The following DLGAP1 variants were observed in gnomAD, a reference collection of about 807,000 sequenced individuals.
DLGAP1 encodes disks large-associated protein 1.
A neutral mutation model predicts 90.8 loss-of-function variants in DLGAP1; 11 were observed. The observed-to-expected ratio is 0.12, with a 90% CI of 0.08 to 0.20. The LOEUF is 0.20. DLGAP1 is among the 10% of genes least tolerant of loss of function. The pLI, the probability that DLGAP1 is intolerant of heterozygous loss-of-function variation, is 1.00. For synonymous variants in DLGAP1, 558 were observed against 540.7 expected, an observed-to-expected ratio of 1.03 and a Z score of -0.44; for missense variants, 1,050 against 1,333.8, an observed-to-expected ratio of 0.79 and a Z score of 3.31.
chr18:3,583,203 T>C (rs1200964862), intron 7 of DLGAP1, among the ~76,000 whole-genome samples: 17 of 148,810 alleles, frequency 1.1e-4, no homozygotes, highest in African/African-American at 2.3e-4. Flanking sequence ...CCTTCCTTCC[T>C]TCCTTCCTTC....
chr18:3,984,828 A>C (rs9303935), intron 3 of DLGAP1, among the ~76,000 whole-genome samples: 91,926 of 151,746 alleles, frequency 0.61, 29,676 homozygotes, highest in African/African-American at 0.84. Flanking sequence ...TTGGGTCTTT[A>C]TTTTGCCCAC....
intron 4 of DLGAP1, among the ~76,000 whole-genome samples, chr18:3,852,121 T>C (rs1217961904): frequency 2.6e-5 from 4 of 152,178 alleles, no homozygotes. Flanking sequence ...TGGAATAGAA[T>C]AATTACTTTA....
At chr18:3,621,523 C>A (rs548521472) in intron 7 of DLGAP1, among the ~76,000 whole-genome samples, 6 of 152,218 alleles carry the variant, frequency 3.9e-5, no homozygotes, top group Non-Finnish European at 7.3e-5. Context: ...TTGTGCCAAT[C>A]AGAGAGTTTT....
chr18:4,357,792 C>G (rs1205510939), intron 1 of DLGAP1, among the ~76,000 whole-genome samples: 1 of 152,184 alleles, frequency 6.6e-6, no homozygotes, highest in African/African-American at 2.4e-5. Context: ...CAAACAGGCC[C>G]CTTTGGAGGG....
chr18:3,836,100 C>A (rs999922950), intron 4 of DLGAP1, among the ~76,000 whole-genome samples: 5 of 152,130 alleles, frequency 3.3e-5, no homozygotes, highest in African/African-American at 1.2e-4. Context: ...ATAAGTTAAG[C>A]TGAAAATATA....
At chr18:3,651,195 C>A (rs766852797) in intron 7 of DLGAP1, among the ~76,000 whole-genome samples, 1 of 151,704 alleles carries the variant, frequency 6.6e-6, no homozygotes, top group African/African-American at 2.4e-5. Flanking sequence ...CCCCTCTCTA[C>A]TAAAAATACA....
At chr18:3,601,619 A>G (rs1397573964) in intron 7 of DLGAP1, among the ~76,000 whole-genome samples, 2 of 151,796 alleles carry the variant, frequency 1.3e-5, no homozygotes, top group East Asian at 3.9e-4. Flanking sequence ...GAGGTGGGCC[A>G]ATCGTTTGAG....
At chr18:3,639,666 A>T (rs1279495052) in intron 7 of DLGAP1, among the ~76,000 whole-genome samples, 2 of 152,000 alleles carry the variant, frequency 1.3e-5, no homozygotes, top group Non-Finnish European at 1.5e-5. Flanking sequence ...AGCCTCTGAA[A>T]TCTCTGATGC....
At chr18:4,076,765 A>G (rs1295993822) in intron 2 of DLGAP1, among the ~76,000 whole-genome samples, 2 of 152,072 alleles carry the variant, frequency 1.3e-5, no homozygotes, top group Non-Finnish European at 2.9e-5. Flanking sequence ...CTGGGATTAC[A>G]GGTGCATACC....
chr18:4,438,648 T>A (rs183699539), intron 1 of DLGAP1, among the ~76,000 whole-genome samples: 1 of 152,138 alleles, frequency 6.6e-6, no homozygotes, highest in Admixed American at 6.5e-5. Context: ...TATCTTCAGC[T>A]TCATTTGTTA....
chr18:4,269,820 G>A (rs2079233609), intron 1 of DLGAP1, among the ~76,000 whole-genome samples: 1 of 152,146 alleles, frequency 6.6e-6, no homozygotes. Context: ...TCTAGAAAAT[G>A]CTAGGGCTGA....
chr18:4,361,962 G>A (rs2081639771), intron 1 of DLGAP1, among the ~76,000 whole-genome samples: 1 of 152,086 alleles, frequency 6.6e-6, no homozygotes, highest in African/African-American at 2.4e-5. Flanking sequence ...TATACGCATG[G>A]CCAAAAGGCA....
At chr18:3,574,407 G>C (rs1044126711) in intron 8 of DLGAP1, among the ~76,000 whole-genome samples, 2 of 152,126 alleles carry the variant, frequency 1.3e-5, no homozygotes, top group African/African-American at 4.8e-5. Context: ...TGATTTATAG[G>C]ATTCCTGCTG....
intron 1 of DLGAP1, among the ~76,000 whole-genome samples, chr18:4,361,872 C>T (rs1318287952): frequency 1.3e-5 from 2 of 151,998 alleles, no homozygotes; most frequent in African/African-American, 2.4e-5. Context: ...TAGAGAACTC[C>T]TAAAATTCAA....
At chr18:4,257,926 A>G (rs2078922820) in intron 1 of DLGAP1, among the ~76,000 whole-genome samples, 1 of 150,438 alleles carries the variant, frequency 6.6e-6, no homozygotes, top group African/African-American at 2.5e-5. Flanking sequence ...CGCCCGGCCC[A>G]GTTCATTTTC....
chr18:4,146,547 T>C (rs2144359089), intron 2 of DLGAP1, among the ~76,000 whole-genome samples: 1 of 152,266 alleles, frequency 6.6e-6, no homozygotes, highest in East Asian at 1.9e-4. Context: ...AAACCCTTCT[T>C]TTTATAATGG....
intron 5 of DLGAP1, among the ~76,000 whole-genome samples, chr18:3,747,117 G>A (rs1321210522): frequency 6.6e-6 from 1 of 152,134 alleles, no homozygotes; most frequent in African/African-American, 2.4e-5. Flanking sequence ...TAGCACTTTG[G>A]GAGGTCTACG....
At chr18:4,238,658 A>G (rs2078467997) in intron 1 of DLGAP1, among the ~76,000 whole-genome samples, 1 of 152,180 alleles carries the variant, frequency 6.6e-6, no homozygotes, top group Admixed American at 6.5e-5. Context: ...ATACAAGATA[A>G]TGAGGGATTA....
At chr18:4,127,388 T>C (rs1243015455) in intron 2 of DLGAP1, among the ~76,000 whole-genome samples, 1 of 152,192 alleles carries the variant, frequency 6.6e-6, no homozygotes, top group Non-Finnish European at 1.5e-5. Context: ...TTGGTAATCA[T>C]TAGTCATTTT....
Sources: gnomAD v4.1 joint callset for allele counts (sites outside exome capture counted in the v4.1 genomes callset) on GRCh38, gnomAD v4.1.1 for gene constraint, MANE v1.5 for transcripts, NCBI Gene and HGNC (gene_info 2026-07-23, HGNC 2026-07-21) for gene names.